The following PTPRT variants were observed in gnomAD, a reference collection of about 807,000 sequenced individuals.
The protein encoded by PTPRT is receptor-type tyrosine-protein phosphatase T.
In PTPRT, 56 loss-of-function variants were observed where a neutral mutation model predicts 176.8. The observed-to-expected ratio is 0.32, with a 90% confidence interval of 0.26 to 0.40. The LOEUF is 0.40. Among genes scored for constraint, PTPRT ranks in the 10% least tolerant of loss-of-function variants. The probability of loss-of-function intolerance (pLI) is 1.00; values close to 1 mark genes in which losing one functional copy is unlikely to be tolerated. For missense variants in PTPRT, 1,540 were observed against 1,908.2 expected (o/e 0.81, Z 3.60); for synonymous variants, 783 against 739.0 (o/e 1.06, Z -0.96).
intron 7 of PTPRT, among the ~76,000 whole-genome samples, chr20:42,487,917 T>A (rs1021568084): frequency 6.6e-6 from 1 of 152,234 alleles, no homozygotes; most frequent in Non-Finnish European, 1.5e-5. Context: ...CATTATGTTT[T>A]ATACACTGTC....
intron 1 of PTPRT, among the ~76,000 whole-genome samples, chr20:43,178,686 T>C (rs2015178520): frequency 6.6e-6 from 1 of 152,140 alleles, no homozygotes; most frequent in African/African-American, 2.4e-5. Flanking sequence ...TTGTGCAGGT[T>C]CCACACAACA....
At chr20:42,509,494 T>C (rs1213757256) in intron 7 of PTPRT, among the ~76,000 whole-genome samples, 1 of 139,392 alleles carries the variant, frequency 7.2e-6, no homozygotes, top group Non-Finnish European at 1.5e-5. Context: ...AATTTATAGA[T>C]ATAAATTATA....
intron 2 of PTPRT, among the ~76,000 whole-genome samples, chr20:42,875,788 C>A (rs1016779206): frequency 7.9e-5 from 12 of 152,152 alleles, no homozygotes; most frequent in African/African-American, 2.9e-4. Context: ...CAGCCTGGAC[C>A]CTTTCCAAGG....
chr20:42,118,457 C>A lies in PTPRT; in HGVS notation c.2928G>T (p.Trp976Cys). Residue 976 changes from tryptophan (W) to cysteine (C), a missense_variant, in exon 21 of 31, where the codon TGG becomes TGT. Around this residue, in one of 11 missense-constraint regions of PTPRT, gnomAD observed 248 missense variants for 356.7 expected, o/e 0.70. Transcript: ENST00000373187. ...ETVKDFWRMI[W>C]QENSASIVMV... ...TGACGATGCTGGCGGAGTTCTCCTG[C>A]CAGATCATTCTCCAAAAGTCCTTTA... 1 of 1,613,130 alleles carries A rather than the reference C, an allele frequency of 6.2e-7. No individual in the cohort carries two copies. The highest frequency in any genetic ancestry group is 1.1e-5 in the South Asian group (1 of 90,942).
chr20:42,201,798 A>G (rs1991461234), intron 15 of PTPRT, among the ~76,000 whole-genome samples: 1 of 150,740 alleles, frequency 6.6e-6, no homozygotes, highest in Non-Finnish European at 1.5e-5. Flanking sequence ...CGCCTGTGGC[A>G]GTTCTCACTA....
At chr20:42,592,146 A>ATTT (rs11483312) in intron 7 of PTPRT, among the ~76,000 whole-genome samples, 1 of 140,868 alleles carries the variant, frequency 7.1e-6, no homozygotes, top group Non-Finnish European at 1.6e-5. Context: ...CACCCAGCTA[A>ATTT]TTTTTTTTTT....
At chr20:42,828,609 T>G (rs1203742712) in intron 2 of PTPRT, among the ~76,000 whole-genome samples, 1 of 152,086 alleles carries the variant, frequency 6.6e-6, no homozygotes, top group African/African-American at 2.4e-5. Context: ...ACCCCTGCTG[T>G]GGGCAGCCTA....
At chr20:42,121,101 G>A (rs1352129214) in intron 19 of PTPRT, among the ~76,000 whole-genome samples, 1 of 152,200 alleles carries the variant, frequency 6.6e-6, no homozygotes, top group Non-Finnish European at 1.5e-5. Flanking sequence ...GGTTTATGGT[G>A]CCACAGATGT....
At chr20:42,818,504 G>A (rs945791267) in intron 2 of PTPRT, among the ~76,000 whole-genome samples, 9 of 152,274 alleles carry the variant, frequency 5.9e-5, no homozygotes, top group Admixed American at 5.2e-4. Context: ...CTGCAACGTC[G>A]TTCCATCACA....
At chr20:42,650,754 G>T (rs182000500) in intron 7 of PTPRT, among the ~76,000 whole-genome samples, 1 of 152,126 alleles carries the variant, frequency 6.6e-6, no homozygotes, top group African/African-American at 2.4e-5. Flanking sequence ...AAGTAGAAGA[G>T]AAAAAGCAAT....
intron 9 of PTPRT, among the ~76,000 whole-genome samples, chr20:42,378,148 A>C (rs1174653011): frequency 6.6e-6 from 1 of 152,210 alleles, no homozygotes; most frequent in East Asian, 1.9e-4. Context: ...AGCAACCCCC[A>C]CAGAGTAGGG....
At position 42,113,006 on chromosome 20, in the gene PTPRT, G is replaced by C. The variant is rs796420620; in HGVS notation, c.3099+2193C>G. On this transcript the variant is annotated intron_variant, in intron 22 of 30. Coordinates refer to ENST00000373187, the MANE Select transcript of PTPRT (RefSeq NM_007050.6). ...GATTTATCAAGGATCCTCTCTCCCC[G>C]ATGCGTCTGTGCTGTCTTCAAGGGC... Among the ~76,000 whole-genome samples the C allele has an allele frequency of 6.5e-4, 99 of 152,246 alleles. 1 individual carries two copies. Among genetic ancestry groups the C allele is most frequent in the African/African-American group, 2.3e-3 (97 of 41,550 alleles).
chr20:42,682,382 C>T (rs1223935029), intron 6 of PTPRT, among the ~76,000 whole-genome samples: 2 of 152,140 alleles, frequency 1.3e-5, no homozygotes, highest in Non-Finnish European at 2.9e-5. Flanking sequence ...TGAGCCTTTA[C>T]TCCTATACCA....
downstream of PTPRT, among the ~76,000 whole-genome samples, chr20:42,071,025 C>T (rs1055909873): frequency 1.3e-4 from 20 of 152,074 alleles, no homozygotes; most frequent in Non-Finnish European, 2.2e-4. Flanking sequence ...GATAACTAGC[C>T]GGCTGGACAC....
At chr20:43,079,263 C>T (rs568276128) in intron 1 of PTPRT, among the ~76,000 whole-genome samples, 4 of 147,530 alleles carry the variant, frequency 2.7e-5, no homozygotes, top group Non-Finnish European at 4.5e-5. Context: ...ATGATAAGCA[C>T]CATTTCTGTT....
intron 7 of PTPRT, among the ~76,000 whole-genome samples, chr20:42,524,324 C>T (rs2072230616): frequency 6.6e-6 from 1 of 152,126 alleles, no homozygotes; most frequent in South Asian, 2.1e-4. Context: ...AATGCTTTGA[C>T]TTTCCTATGA....
intron 2 of PTPRT, among the ~76,000 whole-genome samples, chr20:42,809,287 C>T (rs1319345512): frequency 6.6e-6 from 1 of 152,002 alleles, no homozygotes; most frequent in Admixed American, 6.6e-5. Flanking sequence ...CGGAAACAAA[C>T]GCAAGGGACA....
At chr20:42,166,112 A>G (rs1238216505) in intron 16 of PTPRT, among the ~76,000 whole-genome samples, 23 of 152,238 alleles carry the variant, frequency 1.5e-4, no homozygotes, top group Admixed American at 1.5e-3. Flanking sequence ...CCAGGATTCA[A>G]CAGACACTGG....
At chr20:42,983,027 T>G (rs1983369923) in intron 1 of PTPRT, among the ~76,000 whole-genome samples, 1 of 152,132 alleles carries the variant, frequency 6.6e-6, no homozygotes, top group African/African-American at 2.4e-5. Flanking sequence ...GGCAGCAACC[T>G]GTCTACACAG....
Sources: allele counts gnomAD v4.1 joint callset (sites outside exome capture counted in the v4.1 genomes callset), GRCh38; gene constraint gnomAD v4.1.1; regional missense constraint gnomAD v4.1.1; transcripts MANE v1.5; gene names NCBI Gene and HGNC (gene_info 2026-07-23, HGNC 2026-07-21).